The following PRKN variants were observed in gnomAD, a reference collection of about 807,000 sequenced individuals.
PRKN encodes the protein E3 ubiquitin-protein ligase parkin.
PRKN carries 56 observed loss-of-function variants against 59.5 expected under a neutral mutation model. That is an observed-to-expected ratio of 0.94 (90% CI 0.76 to 1.18). The LOEUF (loss-of-function observed/expected upper bound fraction) is 1.18. Ranked by LOEUF, PRKN falls within the 50% of genes most tolerant of loss-of-function variation. The pLI, the probability that PRKN is intolerant of heterozygous loss-of-function variation, is 0.00. For missense variants in PRKN, 657 were observed against 596.4 expected (o/e 1.10, Z -1.06); for synonymous variants, 250 against 222.1 (o/e 1.13, Z -1.12).
At chr6:161,874,972 T>TA (rs59824674) in intron 6 of PRKN, among the ~76,000 whole-genome samples, 1,013 of 88,722 alleles carry the variant, frequency 0.011, 83 homozygotes, top group African/African-American at 0.047. Context: ...TAATATATAA[T>TA]TTATTATATT....
chr6:162,363,554 A>G (rs1785263945), intron 2 of PRKN, among the ~76,000 whole-genome samples: 1 of 152,102 alleles, frequency 6.6e-6, no homozygotes, highest in African/African-American at 2.4e-5. Context: ...TTCTTCTTTC[A>G]TTTCTATGCT....
rs1779762683 is a variant in PRKN, at chr6:161,545,452, A to G, written c.1083+3402T>C. 1 of 1,574,002 alleles carries G rather than the reference A, an allele frequency of 6.4e-7. No individual in the cohort carries two copies. The highest frequency in any genetic ancestry group is 1.3e-5 in the African/African-American group (1 of 74,106). ...CGTTGTCCATACTGTGAGAGCAAAG[A>G]GTAAAAAGAGATTCACCTTCTTCTA... is the stretch of plus-strand genomic sequence containing the variant. On this transcript the variant is annotated intron_variant, in intron 9 of 11. Coordinates refer to ENST00000366898, the MANE Select transcript of PRKN (RefSeq NM_004562.3). This position sits in a 1 kb window ranked among gnomAD's most constrained non-coding sequence, Gnocchi z 4.1.
chr6:161,559,265 A>C (rs1470495622), intron 8 of PRKN, among the ~76,000 whole-genome samples: 1 of 152,184 alleles, frequency 6.6e-6, no homozygotes, highest in Non-Finnish European at 1.5e-5. Flanking sequence ...ACGGAGCAGC[A>C]CCCACTTCCA....
chr6:161,666,764 G>C (rs1281477990), intron 7 of PRKN, among the ~76,000 whole-genome samples: 1 of 152,174 alleles, frequency 6.6e-6, no homozygotes, highest in Non-Finnish European at 1.5e-5. Flanking sequence ...TTGGATACTA[G>C]TATAAGTCTG....
intron 2 of PRKN, among the ~76,000 whole-genome samples, chr6:162,415,695 T>C (rs1788594691): frequency 6.6e-6 from 1 of 152,086 alleles, no homozygotes; most frequent in African/African-American, 2.4e-5. Flanking sequence ...CACCCATCTG[T>C]AGTCCCAGCT....
chr6:161,667,463 C>T (rs1784763625), intron 7 of PRKN, among the ~76,000 whole-genome samples: 1 of 152,208 alleles, frequency 6.6e-6, no homozygotes, highest in Non-Finnish European at 1.5e-5. Flanking sequence ...CAATCTCCTG[C>T]GATGCTTTCT....
intron 1 of PRKN, among the ~76,000 whole-genome samples, chr6:162,568,193 C>G (rs1233761311): frequency 1.3e-5 from 2 of 152,190 alleles, no homozygotes; most frequent in African/African-American, 4.8e-5. Flanking sequence ...CTCTCCAGGA[C>G]ACTGGTCTGT....
In PRKN at chr6:162,262,628, A is replaced by G; in HGVS notation, c.309T>C (p.Thr103=). The part of the protein sequence containing the change: ...GGCEREPQSL[T]RVDLSSSVLP... Reference sequence around the variant, plus strand: ...GGACTGAGCTGCTGAGGTCCACCCGAGTCAAGCTCTGGGGCTCCCGCTCAC... The same window carrying G: ...GGACTGAGCTGCTGAGGTCCACCCGGGTCAAGCTCTGGGGCTCCCGCTCAC... The change falls in exon 3 of 12, where the codon ACT becomes ACC. Residue 103 remains threonine, a synonymous_variant. Transcript: ENST00000366898. The G allele has an allele frequency of 6.2e-7, 1 of 1,613,824 alleles. No individual in the cohort carries two copies. Among genetic ancestry groups the G allele is most frequent in the South Asian group, 1.1e-5 (1 of 91,068 alleles).
intron 3 of PRKN, among the ~76,000 whole-genome samples, chr6:162,250,584 TGGC>T (rs1468016449): frequency 6.6e-6 from 1 of 152,240 alleles, no homozygotes; most frequent in African/African-American, 2.4e-5. Flanking sequence ...ATTGATCACA[TGGC>T]ATCAGCCAGA....
chr6:162,302,856 T>C (rs1189058859), intron 2 of PRKN, among the ~76,000 whole-genome samples: 1 of 152,010 alleles, frequency 6.6e-6, no homozygotes, highest in Non-Finnish European at 1.5e-5. Flanking sequence ...CTGCCACATT[T>C]ATATTTCTTG....
chr6:161,664,524 T>C (rs1281016653), intron 7 of PRKN, among the ~76,000 whole-genome samples: 1 of 138,358 alleles, frequency 7.2e-6, no homozygotes, highest in Admixed American at 7.1e-5. Context: ...AGCCTAATAC[T>C]AGAGCCAGAT....
At chr6:162,044,927 T>C (rs891648973) in intron 5 of PRKN, among the ~76,000 whole-genome samples, 2 of 152,226 alleles carry the variant, frequency 1.3e-5, no homozygotes, top group African/African-American at 4.8e-5. Flanking sequence ...GGGAAGTCCT[T>C]GCATGGTCCT....
intron 5 of PRKN, among the ~76,000 whole-genome samples, chr6:162,001,351 C>T (rs1245860098): frequency 6.6e-6 from 1 of 152,084 alleles, no homozygotes; most frequent in Non-Finnish European, 1.5e-5. Context: ...AGATCTTGGA[C>T]AGTTTTGTTA....
intron 5 of PRKN, among the ~76,000 whole-genome samples, chr6:162,031,223 T>A (rs1490957525): frequency 6.6e-6 from 1 of 151,802 alleles, no homozygotes; most frequent in Non-Finnish European, 1.5e-5. Context: ...TGCACACACC[T>A]TTCCAAGGGC....
chr6:161,650,594 T>C (rs549559263), intron 7 of PRKN, among the ~76,000 whole-genome samples: 8 of 152,176 alleles, frequency 5.3e-5, no homozygotes, highest in Admixed American at 2.6e-4. Flanking sequence ...CCGAGAGAGA[T>C]TGATTTATCC....
chr6:161,596,642 A>G (rs1781924264), intron 7 of PRKN, among the ~76,000 whole-genome samples: 1 of 152,086 alleles, frequency 6.6e-6, no homozygotes, highest in Non-Finnish European at 1.5e-5. Flanking sequence ...AGCCTACTAA[A>G]TCCCTTCCTG....
intron 2 of PRKN, among the ~76,000 whole-genome samples, chr6:162,313,859 T>C (rs964736315): frequency 6.6e-6 from 1 of 152,206 alleles, no homozygotes; most frequent in Non-Finnish European, 1.5e-5. Flanking sequence ...TTGGCCATTA[T>C]AAATAATGCT....
chr6:161,832,830 C>T (rs948526698), intron 6 of PRKN, among the ~76,000 whole-genome samples: 2 of 151,892 alleles, frequency 1.3e-5, no homozygotes, highest in Non-Finnish European at 1.5e-5. Flanking sequence ...CCTGCAGGGT[C>T]TCCAGCAGCA....
intron 5 of PRKN, among the ~76,000 whole-genome samples, chr6:161,993,710 T>C (rs1296673562): frequency 6.6e-6 from 1 of 152,162 alleles, no homozygotes; most frequent in African/African-American, 2.4e-5. Flanking sequence ...CACCTGAGAC[T>C]GGATAATTTA....
Sources: allele counts gnomAD v4.1 joint callset (sites outside exome capture counted in the v4.1 genomes callset), GRCh38; gene constraint gnomAD v4.1.1; non-coding constraint Gnocchi (gnomAD v3.1); transcripts MANE v1.5; gene names NCBI Gene and HGNC (gene_info 2026-07-23, HGNC 2026-07-21).